Variants in SCMH1 observed in about 807,000 individuals in gnomAD.
SCMH1 encodes the protein polycomb protein SCMH1.
SCMH1 carries 37 observed loss-of-function variants against 70.8 expected under a neutral mutation model. The observed-to-expected ratio is 0.52, with a 90% CI of 0.40 to 0.69. The LOEUF is 0.69. Among genes scored for constraint, SCMH1 ranks in the 30% least tolerant of loss-of-function variants. SCMH1 has a pLI of 0.00. For missense variants in SCMH1, 607 were observed against 827.3 expected (o/e 0.73, Z 3.27); for synonymous variants, 292 against 307.4 (o/e 0.95, Z 0.52).
chr1:41,100,671 T>C (rs1292177246), intron 8 of SCMH1, among the ~76,000 whole-genome samples: 3 of 147,948 alleles, frequency 2.0e-5, no homozygotes, highest in Non-Finnish European at 4.4e-5. Flanking sequence ...GTTCAAGTTA[T>C]TCTTCTGCTT....
chr1:41,191,674 T>G (rs561424089), intron 1 of SCMH1, among the ~76,000 whole-genome samples: 1 of 152,300 alleles, frequency 6.6e-6, no homozygotes, highest in South Asian at 2.1e-4. Context: ...ATGTTTGCAT[T>G]TGGTATACTT....
intron 6 of SCMH1, among the ~76,000 whole-genome samples, chr1:41,129,326 T>C (rs549105234): frequency 6.6e-6 from 1 of 152,256 alleles, no homozygotes; most frequent in South Asian, 2.1e-4. Context: ...TTTCCCCAAC[T>C]GAAACTCTGT....
chr1:41,037,514 A>G (rs1645469961), exon 13 of SCMH1: 2 of 1,614,194 alleles, frequency 1.2e-6, no homozygotes, highest in Non-Finnish European at 1.7e-6. Context: ...GGAGCGGGCC[A>G]GACTATTCCC....
chr1:41,096,909 C>T (rs1159656407), intron 8 of SCMH1, among the ~76,000 whole-genome samples: 1 of 152,224 alleles, frequency 6.6e-6, no homozygotes, highest in South Asian at 2.1e-4. Context: ...GGATTACACA[C>T]ATTAGCAGCA....
At chr1:41,187,270 T>C (rs1249975707) in intron 1 of SCMH1, among the ~76,000 whole-genome samples, 2 of 151,882 alleles carry the variant, frequency 1.3e-5, no homozygotes, top group African/African-American at 4.8e-5. Context: ...GAGACCAGCC[T>C]GGCCAACATG....
intron 5 of SCMH1, among the ~76,000 whole-genome samples, chr1:41,146,324 G>A (rs186715572): frequency 3.9e-5 from 6 of 152,098 alleles, no homozygotes; most frequent in Admixed American, 6.5e-5. Context: ...TTTATAAAGC[G>A]AAAAATTTAC....
rs1653059126 is a variant in SCMH1, at chr1:41,062,571, C to T, written c.1105+8024G>A. 2.0e-5 allele frequency among the ~76,000 whole-genome samples: 3 copies of T among 151,498 alleles called. No homozygotes were observed. In the South Asian group the frequency reaches 6.3e-4, roughly 32 times the overall value. On this transcript the variant is annotated intron_variant, in intron 10 of 14. Coordinates refer to ENST00000337495, the Ensembl canonical transcript of SCMH1. ...CCTGGCCAACATGGTGAAACCCCATCCTACTAAAAATACAAAAATTAGCTG... is the reference window on the plus strand; with the variant it reads ...CCTGGCCAACATGGTGAAACCCCATTCTACTAAAAATACAAAAATTAGCTG...
chr1:41,105,602 C>G (rs1667692908), intron 8 of SCMH1, among the ~76,000 whole-genome samples: 1 of 152,116 alleles, frequency 6.6e-6, no homozygotes, highest in Non-Finnish European at 1.5e-5. Context: ...TGGTACAGGG[C>G]TTGTTTGTTA....
intron 10 of SCMH1, among the ~76,000 whole-genome samples, chr1:41,058,385 T>TTTTTTG (rs1651325809): frequency 9.3e-6 from 1 of 107,272 alleles, no homozygotes; most frequent in Non-Finnish European, 2.0e-5. Flanking sequence ...CTTGTTTTTT[T>TTTTTTG]TTTTTTTTTT....
intron 13 of SCMH1, among the ~76,000 whole-genome samples, chr1:41,031,113 CCT>C (rs1644459617): frequency 1.3e-5 from 2 of 152,062 alleles, no homozygotes; most frequent in African/African-American, 2.4e-5. Flanking sequence ...ATTGCGAGAC[CCT>C]GTCTCTACAA....
intron 9 of SCMH1, among the ~76,000 whole-genome samples, chr1:41,072,220 C>T (rs1363749071): frequency 1.3e-5 from 2 of 152,140 alleles, no homozygotes; most frequent in African/African-American, 2.4e-5. Context: ...TGCTTTTTTA[C>T]TGCTAAAAGT....
chr1:41,075,433 G>A (rs371430663), exon 9 of SCMH1: 2 of 1,613,840 alleles, frequency 1.2e-6, no homozygotes. Context: ...GGCAGGATAG[G>A]GATTCTTTGG....
At chr1:41,028,237 T>C (rs1002619699) in exon 15 of SCMH1, 3 of 1,614,188 alleles carry the variant, frequency 1.9e-6, no homozygotes, top group Non-Finnish European at 2.5e-6. Context: ...GTAGGAGAGC[T>C]TGAGTGCAGG....
At chr1:41,133,977 C>CA (rs1272247630) in intron 6 of SCMH1, among the ~76,000 whole-genome samples, 2 of 151,958 alleles carry the variant, frequency 1.3e-5, no homozygotes, top group East Asian at 1.9e-4. Flanking sequence ...AGAGACACAA[C>CA]AAAAAAACAG....
chr1:41,107,361 T>C (rs1668209029), intron 8 of SCMH1, among the ~76,000 whole-genome samples: 1 of 151,884 alleles, frequency 6.6e-6, no homozygotes, highest in Admixed American at 6.5e-5. Context: ...ACTGAGCCAA[T>C]GACTAGTACT....
chr1:41,200,966 C>A (rs950943037), intron 1 of SCMH1, among the ~76,000 whole-genome samples: 3 of 151,986 alleles, frequency 2.0e-5, no homozygotes, highest in Non-Finnish European at 2.9e-5. Context: ...CCTAAGCAGA[C>A]CGTTGAAAGA....
intron 1 of SCMH1, among the ~76,000 whole-genome samples, chr1:41,186,751 T>A (rs909474837): frequency 1.3e-5 from 2 of 152,158 alleles, no homozygotes; most frequent in African/African-American, 2.4e-5. Context: ...ATGAGAGATA[T>A]CTCTTTCTCT....
chr1:41,237,992 G>A (rs1662738206), intron 1 of SCMH1, among the ~76,000 whole-genome samples: 1 of 152,326 alleles, frequency 6.6e-6, no homozygotes, highest in East Asian at 1.9e-4. Flanking sequence ...TATGTGGTAT[G>A]TGTGTATATA....
intron 10 of SCMH1, among the ~76,000 whole-genome samples, chr1:41,054,419 A>G (rs1649463691): frequency 6.6e-6 from 1 of 152,182 alleles, no homozygotes; most frequent in Admixed American, 6.5e-5. Flanking sequence ...ACATACCCCC[A>G]GGACTTGCAG....
Sources: allele counts gnomAD v4.1 joint callset (sites outside exome capture counted in the v4.1 genomes callset), GRCh38; gene constraint gnomAD v4.1.1; transcripts MANE v1.5; gene names NCBI Gene and HGNC (gene_info 2026-07-23, HGNC 2026-07-21).